The following RGS7BP variants were observed in gnomAD, a reference collection of about 807,000 sequenced individuals.
RGS7BP encodes the protein regulator of G protein signaling 7 binding protein, also known as regulator of G protein signaling 7-binding protein.
RGS7BP carries 9 observed loss-of-function variants against 31.3 expected under a neutral mutation model. The ratio of observed to expected loss-of-function variants is 0.29; its 90% CI spans 0.17 to 0.50. RGS7BP has a LOEUF of 0.50. Ranked by LOEUF, RGS7BP falls within the 20% of genes least tolerant of loss-of-function variation. The probability of loss-of-function intolerance (pLI) is 0.98; values close to 1 mark genes in which losing one functional copy is unlikely to be tolerated. For synonymous variants in RGS7BP, 115 were observed against 120.1 expected (o/e 0.96, Z 0.28); for missense variants, 274 against 322.0 (o/e 0.85, Z 1.14).
chr5:64,534,363 T>G (rs933438209), intron 2 of RGS7BP, among the ~76,000 whole-genome samples: 1 of 152,122 alleles, frequency 6.6e-6, no homozygotes, highest in Non-Finnish European at 1.5e-5. Flanking sequence ...TGATTTAAAA[T>G]GCAGTGAAAA....
chr5:64,555,400 AT>A (rs1200915961), intron 2 of RGS7BP, among the ~76,000 whole-genome samples: 2 of 152,108 alleles, frequency 1.3e-5, no homozygotes, highest in African/African-American at 4.8e-5. Context: ...ATAGTAGTTT[AT>A]TTTTTACATA....
rs1743025754 is a variant in RGS7BP, at chr5:64,594,942, T to C, written c.611+85T>C. On this transcript the variant is annotated intron_variant, in intron 4 of 5. Coordinates refer to ENST00000334025, the MANE Select transcript of RGS7BP (RefSeq NM_001029875.3). Reference sequence around the variant, plus strand: ...GCCACAGAGAGACGAGGTTTTCTAGTTCAGATTCAGAAACAGAGCTTTCTT... The same window carrying C: ...GCCACAGAGAGACGAGGTTTTCTAGCTCAGATTCAGAAACAGAGCTTTCTT... The C allele has an allele frequency of 2.9e-6, 4 of 1,403,046 alleles. No individual in the cohort carries two copies. In the Admixed American group the frequency reaches 5.5e-5, roughly 19 times the overall value. The allele number at this position is 1,403,046 out of a possible 1,614,324, so 86.9% of individuals were successfully genotyped here.
chr5:64,525,288 C>T (rs945931041), intron 2 of RGS7BP, among the ~76,000 whole-genome samples: 1 of 152,170 alleles, frequency 6.6e-6, no homozygotes, highest in African/African-American at 2.4e-5. Context: ...TCCACCCTAG[C>T]TCAGCAATCT....
chr5:64,514,574 G>A (rs1409620214), intron 2 of RGS7BP, among the ~76,000 whole-genome samples: 1 of 152,122 alleles, frequency 6.6e-6, no homozygotes, highest in Non-Finnish European at 1.5e-5. Flanking sequence ...GTATGAAATG[G>A]ATTATTCACA....
intron 2 of RGS7BP, among the ~76,000 whole-genome samples, chr5:64,530,181 T>C (rs761251841): frequency 6.6e-6 from 1 of 152,196 alleles, no homozygotes; most frequent in Non-Finnish European, 1.5e-5. Context: ...AAAAAAAACT[T>C]ATCTACTCAT....
chr5:64,576,722 T>C (rs1335664876), intron 3 of RGS7BP, among the ~76,000 whole-genome samples: 1 of 152,084 alleles, frequency 6.6e-6, no homozygotes, highest in Non-Finnish European at 1.5e-5. Context: ...GAGGGTGGAG[T>C]CAGCCCCACC....
At chr5:64,567,041 T>C (rs747883085) in intron 2 of RGS7BP, among the ~76,000 whole-genome samples, 1 of 152,032 alleles carries the variant, frequency 6.6e-6, no homozygotes, top group Non-Finnish European at 1.5e-5. Context: ...ACGGACCTTT[T>C]GCTCATTTTC....
rs75555810 is a variant in RGS7BP, at chr5:64,519,991, G to A, written c.332+12114G>A. Among the ~76,000 whole-genome samples, 1,205 of 152,172 alleles carry A rather than the reference G, an allele frequency of 7.9e-3. 20 individuals are homozygous for A. Among genetic ancestry groups the A allele is most frequent in the African/African-American group, 0.026 (1,086 of 41,502 alleles). On this transcript the variant is annotated intron_variant, in intron 2 of 5. Transcript: ENST00000334025. ...CTTTTCCCTACGGTTCCAAGATGTCGGTCCTGTCCAGAGCAAACAGGCTCC... is the reference window on the plus strand; with the variant it reads ...CTTTTCCCTACGGTTCCAAGATGTCAGTCCTGTCCAGAGCAAACAGGCTCC...
intron 3 of RGS7BP, among the ~76,000 whole-genome samples, chr5:64,592,537 A>ATGTAAAAGG (rs1260318543): frequency 1.3e-5 from 2 of 152,138 alleles, no homozygotes; most frequent in Admixed American, 1.3e-4. Context: ...ATGGCTTTGC[A>ATGTAAAAGG]TGTAAAAGGT....
At chr5:64,598,566 T>G in intron 5 of RGS7BP, 131 bp downstream of exon 5, 2 of 696,980 alleles carry the variant, frequency 2.9e-6, no homozygotes, top group South Asian at 3.3e-5. Context: ...TAGTCTTTCC[T>G]CAAGAAGATA....
chr5:64,528,322 T>C (rs1020218517), intron 2 of RGS7BP, among the ~76,000 whole-genome samples: 2 of 152,184 alleles, frequency 1.3e-5, no homozygotes, highest in Non-Finnish European at 2.9e-5. Flanking sequence ...CCCTAGAGCA[T>C]CCTGTGATAT....
intron 2 of RGS7BP, among the ~76,000 whole-genome samples, chr5:64,534,218 G>A (rs536849287): frequency 6.6e-6 from 1 of 151,598 alleles, no homozygotes; most frequent in South Asian, 2.1e-4. Flanking sequence ...CCTGAGGCAG[G>A]AACGAACTTG....
Position 64,575,876 on chromosome 5 carries a change from G to A in RGS7BP, c.435G>A (p.Leu145=). 1 of 1,612,666 alleles carries A rather than the reference G, an allele frequency of 6.2e-7. No individual in the cohort carries two copies. The highest frequency in any genetic ancestry group is 8.5e-7 in the Non-Finnish European group (1 of 1,179,366). Residue 145 remains leucine, a synonymous_variant, in exon 3 of 6, where the codon CTG becomes CTA. Coordinates refer to ENST00000334025, the MANE Select transcript of RGS7BP (RefSeq NM_001029875.3). ...YTTEMLKSIC[L]LGSLQFHRKG... is the part of the protein sequence containing the mutation. ...CAGAGATGCTAAAATCCATATGTCT[G>A]CTGGGGTCTCTTCAGTTTCATCGAA...
At chr5:64,515,894 G>C (rs1561319351) in intron 2 of RGS7BP, among the ~76,000 whole-genome samples, 1 of 151,812 alleles carries the variant, frequency 6.6e-6, no homozygotes, top group South Asian at 2.1e-4. Flanking sequence ...TGAACTCCTA[G>C]GCTCAAGCAA....
intron 2 of RGS7BP, among the ~76,000 whole-genome samples, chr5:64,521,755 G>A (rs1749113717): frequency 2.0e-5 from 3 of 152,076 alleles, no homozygotes; most frequent in South Asian, 4.2e-4. Flanking sequence ...TGCTAAAATG[G>A]TCCTTGATAT....
chr5:64,601,338 CA>C, intron 5 of RGS7BP: 1 of 469,012 alleles, frequency 2.1e-6, no homozygotes, highest in Non-Finnish European at 2.8e-6. Context: ...CCGTCAACTC[CA>C]AAACTGTTCC....
At chr5:64,565,380 C>T (rs1489394612) in intron 2 of RGS7BP, among the ~76,000 whole-genome samples, 3 of 152,048 alleles carry the variant, frequency 2.0e-5, no homozygotes, top group African/African-American at 7.2e-5. Flanking sequence ...TATTCATATA[C>T]TTATTTTTTA....
chr5:64,568,086 T>A (rs947531866), intron 2 of RGS7BP, among the ~76,000 whole-genome samples: 33 of 151,798 alleles, frequency 2.2e-4, no homozygotes, highest in African/African-American at 7.2e-4. Flanking sequence ...TAAATAGTTT[T>A]AAAATACATA....
intron 3 of RGS7BP, among the ~76,000 whole-genome samples, chr5:64,594,299 G>C (rs1387417103): frequency 1.3e-5 from 2 of 152,066 alleles, no homozygotes; most frequent in Non-Finnish European, 2.9e-5. Context: ...TCTTTCTGCT[G>C]GGTGTCACCT....
Sources: gnomAD v4.1 joint callset for allele counts (sites outside exome capture counted in the v4.1 genomes callset) on GRCh38, gnomAD v4.1.1 for gene constraint, MANE v1.5 for transcripts, NCBI Gene and HGNC (gene_info 2026-07-23, HGNC 2026-07-21) for gene names.